MARCHF1: variants seen among roughly 807,000 people sequenced by gnomAD.
The protein encoded by MARCHF1 is membrane associated ring-CH-type finger 1, also known as E3 ubiquitin-protein ligase MARCHF1.
In MARCHF1, 40 loss-of-function variants were observed where a neutral mutation model predicts 54.2. The ratio of observed to expected loss-of-function variants is 0.74; its 90% CI spans 0.57 to 0.96. The LOEUF (loss-of-function observed/expected upper bound fraction) is 0.96. Among genes scored for constraint, MARCHF1 ranks in the 40% least tolerant of loss-of-function variants. The pLI is 0.00. For missense variants in MARCHF1, 586 were observed against 656.5 expected (o/e 0.89, Z 1.17); for synonymous variants, 236 against 236.3 (o/e 1.00, Z 0.01).
intron 1 of MARCHF1, among the ~76,000 whole-genome samples, chr4:164,168,219 G>A (rs1579589779): frequency 6.6e-6 from 1 of 151,878 alleles, no homozygotes; most frequent in South Asian, 2.1e-4. Context: ...AAACCACTAT[G>A]AGATATCACC....
At chr4:163,554,247 G>A (rs750623295) in intron 8 of MARCHF1, among the ~76,000 whole-genome samples, 3 of 152,204 alleles carry the variant, frequency 2.0e-5, no homozygotes, top group Non-Finnish European at 2.9e-5. Context: ...TGCTTGTCAC[G>A]TTAGTTTACA....
At chr4:164,141,015 C>A (rs1227541297) in intron 1 of MARCHF1, among the ~76,000 whole-genome samples, 2 of 152,140 alleles carry the variant, frequency 1.3e-5, no homozygotes, top group Non-Finnish European at 2.9e-5. Context: ...AATAATAGCA[C>A]CCTATTTTCC....
intron 4 of MARCHF1, among the ~76,000 whole-genome samples, chr4:163,780,595 T>G (rs978103539): frequency 4.6e-5 from 6 of 131,118 alleles, no homozygotes; most frequent in Middle Eastern, 3.8e-3. Context: ...AAAAAAGAAC[T>G]TCCTTTGAAA....
At chr4:163,567,143 A>G (rs1739671120) in intron 8 of MARCHF1, among the ~76,000 whole-genome samples, 1 of 152,284 alleles carries the variant, frequency 6.6e-6, no homozygotes, top group South Asian at 2.1e-4. Context: ...ATAACAAAAA[A>G]TTCTAGCTAC....
chr4:164,310,992 C>G (rs1055420125), intron 1 of MARCHF1, among the ~76,000 whole-genome samples: 3 of 152,116 alleles, frequency 2.0e-5, no homozygotes, highest in African/African-American at 7.2e-5. Flanking sequence ...CACTTTCCTT[C>G]TTATGATGCT....
chr4:163,941,488 A>G (rs1751911976), intron 3 of MARCHF1, among the ~76,000 whole-genome samples: 1 of 152,146 alleles, frequency 6.6e-6, no homozygotes, highest in South Asian at 2.1e-4. Context: ...AAATAGAAGT[A>G]AAGGATAAAT....
At position 164,381,957 on chromosome 4, in the gene MARCHF1, A is replaced by G. The variant is rs528200176; in HGVS notation, c.-323+1913T>C. Among the ~76,000 whole-genome samples the G allele has an allele frequency of 1.8e-4, 27 of 152,340 alleles. No individual in the cohort carries two copies. The South Asian group carries it at 4.6e-3, about 26-fold the overall frequency. ...AGAAGAAAACGTTGCTGACAACCCC[A>G]TAAGTCCTGGATTAAAACAAGCTCT... On this transcript the variant is annotated intron_variant, in intron 1 of 9. Coordinates refer to ENST00000514618, the MANE Select transcript of MARCHF1 (RefSeq NM_001394959.1).
At chr4:163,971,623 C>T (rs1752548816) in intron 3 of MARCHF1, among the ~76,000 whole-genome samples, 1 of 152,152 alleles carries the variant, frequency 6.6e-6, no homozygotes, top group African/African-American at 2.4e-5. Context: ...AACATGGAGG[C>T]TGGACCAGGG....
At chr4:163,699,718 C>A (rs915945104) in intron 5 of MARCHF1, among the ~76,000 whole-genome samples, 4 of 152,140 alleles carry the variant, frequency 2.6e-5, no homozygotes, top group African/African-American at 4.8e-5. Flanking sequence ...CTAATGGTGA[C>A]AAATCCATCT....
intron 3 of MARCHF1, among the ~76,000 whole-genome samples, chr4:163,904,762 A>AGGG (rs61514399): frequency 2.0e-5 from 3 of 151,650 alleles, no homozygotes; most frequent in Non-Finnish European, 4.4e-5. Flanking sequence ...CAGGAGAGAG[A>AGGG]AAGAGACAGA....
intron 4 of MARCHF1, among the ~76,000 whole-genome samples, chr4:163,795,862 T>C (rs1264656988): frequency 3.3e-5 from 5 of 152,262 alleles, no homozygotes; most frequent in African/African-American, 1.2e-4. Flanking sequence ...ACAAATAACA[T>C]AAACAGTTGA....
At chr4:164,034,163 T>G (rs1047544188) in intron 2 of MARCHF1, among the ~76,000 whole-genome samples, 4 of 152,018 alleles carry the variant, frequency 2.6e-5, no homozygotes, top group Admixed American at 6.6e-5. Context: ...CAAAAAGGAA[T>G]GAGATCACGT....
intron 3 of MARCHF1, among the ~76,000 whole-genome samples, chr4:163,893,468 A>G (rs1381536761): frequency 6.6e-6 from 1 of 152,092 alleles, no homozygotes; most frequent in East Asian, 1.9e-4. Flanking sequence ...CCATACAATC[A>G]TCCTTGCAAA....
chr4:163,773,271 G>GA (rs2110876103), intron 4 of MARCHF1, among the ~76,000 whole-genome samples: 1 of 152,260 alleles, frequency 6.6e-6, no homozygotes, highest in South Asian at 2.1e-4. Context: ...GTCTATCCAA[G>GA]AATCAGTCTC....
intron 2 of MARCHF1, among the ~76,000 whole-genome samples, chr4:164,109,856 C>G (rs1402214117): frequency 8.5e-6 from 1 of 118,240 alleles, no homozygotes; most frequent in Non-Finnish European, 1.6e-5. Flanking sequence ...ACCCCCGGGA[C>G]AAGAGTTTAC....
At chr4:164,289,482 A>T (rs1487675438) in intron 1 of MARCHF1, among the ~76,000 whole-genome samples, 2 of 151,630 alleles carry the variant, frequency 1.3e-5, no homozygotes, top group African/African-American at 4.8e-5. Flanking sequence ...GTTGAAGTTG[A>T]CTTGCAAATA....
chr4:164,289,601 A>C (rs1734237770), intron 1 of MARCHF1, among the ~76,000 whole-genome samples: 1 of 151,652 alleles, frequency 6.6e-6, no homozygotes, highest in African/African-American at 2.4e-5. Flanking sequence ...AAAAAAAAAA[A>C]AAAACCTGTT....
chr4:163,581,992 A>C (rs1402492799), intron 8 of MARCHF1, among the ~76,000 whole-genome samples: 1 of 152,182 alleles, frequency 6.6e-6, no homozygotes, highest in South Asian at 2.1e-4. Context: ...TTACAGAAAA[A>C]ATATATTAGG....
At chr4:164,016,800 G>A (rs750091197) in intron 2 of MARCHF1, among the ~76,000 whole-genome samples, 18 of 152,024 alleles carry the variant, frequency 1.2e-4, no homozygotes, top group African/African-American at 1.9e-4. Context: ...CAAAATAAAA[G>A]AGCGGAATTG....
Sources: gnomAD v4.1 joint callset for allele counts (sites outside exome capture counted in the v4.1 genomes callset) on GRCh38, gnomAD v4.1.1 for gene constraint, MANE v1.5 for transcripts, NCBI Gene and HGNC (gene_info 2026-07-23, HGNC 2026-07-21) for gene names.